Variants in ERBB4 observed in about 807,000 individuals in gnomAD.
The protein encoded by ERBB4 is erb-b2 receptor tyrosine kinase 4.
A neutral mutation model predicts 158.0 loss-of-function variants in ERBB4; 42 were observed. The observed-to-expected ratio is 0.27, with a 90% CI of 0.21 to 0.34. The LOEUF is 0.34. ERBB4 is among the 10% of genes least tolerant of loss of function. The pLI is 1.00. For missense variants in ERBB4, 1,333 were observed against 1,624.1 expected, an observed-to-expected ratio of 0.82 and a Z score of 3.08; for synonymous variants, 583 against 558.7, an observed-to-expected ratio of 1.04 and a Z score of -0.61.
intron 16 of ERBB4, among the ~76,000 whole-genome samples, chr2:211,652,775 CAAGT>C (rs1463429843): frequency 6.6e-6 from 1 of 152,088 alleles, no homozygotes; most frequent in Non-Finnish European, 1.5e-5. Context: ...TGAATTGGAG[CAAGT>C]AACTAGATAA....
intron 20 of ERBB4, among the ~76,000 whole-genome samples, chr2:211,482,492 A>G (rs1269111187): frequency 6.6e-6 from 1 of 152,248 alleles, no homozygotes; most frequent in Admixed American, 6.5e-5. Context: ...GTTCAAGAAT[A>G]TCTATGGGAA....
intron 1 of ERBB4, among the ~76,000 whole-genome samples, chr2:212,126,685 T>C (rs2079940951): frequency 6.6e-6 from 1 of 152,040 alleles, no homozygotes; most frequent in African/African-American, 2.4e-5. Flanking sequence ...TAAGGCAAGA[T>C]ACAAAGTGGA....
intron 2 of ERBB4, among the ~76,000 whole-genome samples, chr2:212,017,209 T>C (rs187004439): frequency 1.3e-3 from 197 of 152,240 alleles, no homozygotes; most frequent in Middle Eastern, 6.8e-3. Context: ...GTACATTATC[T>C]TTAAATAATT....
At chr2:211,753,370 T>C (rs2075193351) in intron 4 of ERBB4, among the ~76,000 whole-genome samples, 3 of 152,176 alleles carry the variant, frequency 2.0e-5, no homozygotes, top group Admixed American at 2.0e-4. Flanking sequence ...TTCTTCATTT[T>C]GTGTATTAAG....
At chr2:211,436,474 G>A (rs2063858179) in intron 20 of ERBB4, among the ~76,000 whole-genome samples, 1 of 152,048 alleles carries the variant, frequency 6.6e-6, no homozygotes, top group Non-Finnish European at 1.5e-5. Flanking sequence ...GTCTCTAAAT[G>A]GGCATAACAG....
intron 2 of ERBB4, among the ~76,000 whole-genome samples, chr2:212,097,301 A>T (rs2078960246): frequency 6.6e-6 from 1 of 152,120 alleles, no homozygotes; most frequent in Non-Finnish European, 1.5e-5. Flanking sequence ...GTGTACTTTT[A>T]TGAGGAGGTA....
At chr2:212,032,361 T>C (rs2076922694) in intron 2 of ERBB4, among the ~76,000 whole-genome samples, 1 of 152,072 alleles carries the variant, frequency 6.6e-6, no homozygotes, top group African/African-American at 2.4e-5. Flanking sequence ...TTAGGCTGAT[T>C]AGCACAAATT....
chr2:211,658,564 T>C (rs1459987400), intron 15 of ERBB4, among the ~76,000 whole-genome samples: 1 of 152,168 alleles, frequency 6.6e-6, no homozygotes, highest in Admixed American at 6.5e-5. Flanking sequence ...AAGATACTTA[T>C]CTTAAACATG....
In ERBB4 at chr2:211,830,839, A is replaced by G. The variant is rs142920921; in HGVS notation, c.422-42680T>C. 3.3e-3 allele frequency among the ~76,000 whole-genome samples: 506 copies of G among 152,226 alleles called. 4 individuals carry two copies. The highest frequency in any genetic ancestry group is 0.017 in the Middle Eastern group (5 of 294). ...ATTATATTTTTATTAATCTTGCACC[A>G]TTAATTAATAGGGTTATAAGACAGC... On this transcript the variant is annotated intron_variant, in intron 3 of 27. Coordinates refer to ENST00000342788, the MANE Select transcript of ERBB4 (RefSeq NM_005235.3).
intron 1 of ERBB4, among the ~76,000 whole-genome samples, chr2:212,522,062 A>G (rs1692199637): frequency 6.6e-6 from 1 of 151,998 alleles, no homozygotes; most frequent in African/African-American, 2.4e-5. Flanking sequence ...AAATTCATCT[A>G]TGTTGCCAGC....
At chr2:211,528,706 T>G (rs1349185664) in intron 20 of ERBB4, among the ~76,000 whole-genome samples, 1 of 151,972 alleles carries the variant, frequency 6.6e-6, no homozygotes, top group African/African-American at 2.4e-5. Context: ...TGAGAGAAAT[T>G]TTTGAAATTA....
At chr2:212,200,993 T>C (rs898946180) in intron 1 of ERBB4, among the ~76,000 whole-genome samples, 3 of 152,140 alleles carry the variant, frequency 2.0e-5, no homozygotes, top group African/African-American at 7.2e-5. Flanking sequence ...TGAAAAACAT[T>C]TCCAGGAAGA....
intron 1 of ERBB4, among the ~76,000 whole-genome samples, chr2:212,139,956 C>T (rs974266508): frequency 6.6e-6 from 1 of 151,698 alleles, no homozygotes; most frequent in Non-Finnish European, 1.5e-5. Context: ...ATTCAAGTTT[C>T]TACTGATATT....
chr2:212,214,063 C>T (rs2103001), intron 1 of ERBB4, among the ~76,000 whole-genome samples: 84,332 of 151,662 alleles, frequency 0.56, 23,672 homozygotes, highest in East Asian at 0.77. Context: ...CCTTTAATTC[C>T]TGATCCTTAC....
chr2:212,232,566 G>T (rs965985361), intron 1 of ERBB4, among the ~76,000 whole-genome samples: 1 of 152,006 alleles, frequency 6.6e-6, no homozygotes, highest in Non-Finnish European at 1.5e-5. Flanking sequence ...CTGCCACCAC[G>T]CCTGGCTAAC....
chr2:211,854,686 A>C (rs914613250), intron 3 of ERBB4, among the ~76,000 whole-genome samples: 1 of 152,144 alleles, frequency 6.6e-6, no homozygotes, highest in African/African-American at 2.4e-5. Flanking sequence ...TCACGACTGT[A>C]TAGTATTCTA....
intron 1 of ERBB4, among the ~76,000 whole-genome samples, chr2:212,192,831 A>T (rs1008248733): frequency 6.7e-6 from 1 of 148,214 alleles, no homozygotes; most frequent in Admixed American, 6.6e-5. Flanking sequence ...GCCCAGTTAC[A>T]CTGAGGACCG....
intron 1 of ERBB4, among the ~76,000 whole-genome samples, chr2:212,181,059 A>C (rs1041351819): frequency 6.6e-6 from 1 of 151,638 alleles, no homozygotes; most frequent in Non-Finnish European, 1.5e-5. Context: ...AATTCTATAG[A>C]TAACTGAGAC....
intron 20 of ERBB4, among the ~76,000 whole-genome samples, chr2:211,512,412 T>C (rs2065904420): frequency 6.6e-6 from 1 of 151,496 alleles, no homozygotes; most frequent in Non-Finnish European, 1.5e-5. Flanking sequence ...CAGGTTCTCT[T>C]GGTTTATTAT....
Sources: allele counts gnomAD v4.1 joint callset (sites outside exome capture counted in the v4.1 genomes callset), GRCh38; gene constraint gnomAD v4.1.1; transcripts MANE v1.5; gene names NCBI Gene and HGNC (gene_info 2026-07-23, HGNC 2026-07-21).